Variants in ANKFN1 observed in about 807,000 individuals in gnomAD.
The protein encoded by ANKFN1 is ankyrin repeat and fibronectin type III domain containing 1.
In ANKFN1, 74 loss-of-function variants were observed where a neutral mutation model predicts 108.7. That is an observed-to-expected ratio of 0.68 (90% confidence interval 0.56 to 0.83). The LOEUF (loss-of-function observed/expected upper bound fraction) is 0.83, where lower values mean the gene tolerates loss of function less well. ANKFN1 is among the 40% of genes least tolerant of loss of function. ANKFN1 has a pLI of 0.00. For missense variants in ANKFN1, 1,505 were observed against 1,382.3 expected, an observed-to-expected ratio of 1.09 and a Z score of -1.41; for synonymous variants, 547 against 516.2, an observed-to-expected ratio of 1.06 and a Z score of -0.81.
At chr17:56,129,731 T>C (rs753977786) in intron 4 of ANKFN1, among the ~76,000 whole-genome samples, 1 of 152,202 alleles carries the variant, frequency 6.6e-6, no homozygotes, top group Non-Finnish European at 1.5e-5. Context: ...AATAGCATCA[T>C]AGTATGGAGC....
At chr17:56,384,441 A>G (rs1893504892) in intron 8 of ANKFN1, among the ~76,000 whole-genome samples, 1 of 151,986 alleles carries the variant, frequency 6.6e-6, no homozygotes, top group African/African-American at 2.4e-5. Flanking sequence ...CCCTCTCACC[A>G]CTCCTATTCA....
At chr17:56,148,395 C>A (rs905479297) in intron 4 of ANKFN1, among the ~76,000 whole-genome samples, 1 of 152,196 alleles carries the variant, frequency 6.6e-6, no homozygotes, top group Admixed American at 6.5e-5. Context: ...ACCCTGCTTG[C>A]AGTCCCACAG....
rs1760788548 is a variant in ANKFN1, at chr17:56,512,089, A to G, written c.*820A>G. On this transcript the variant is annotated 3_prime_UTR_variant, in exon 21 of 21. Coordinates refer to ENST00000682825, the MANE Select transcript of ANKFN1 (RefSeq NM_001370326.1). ...GCTAAGCAAAGTGAAAGCCTGAATT[A>G]CAGATAAGACAGGGGAGGGAGAGAG... is the stretch of plus-strand genomic sequence containing the variant. 1.3e-5 allele frequency among the ~76,000 whole-genome samples: 2 copies of G among 152,168 alleles called. No individual in the cohort carries two copies. Among genetic ancestry groups the G allele is most frequent in the South Asian group, 4.1e-4 (2 of 4,834 alleles).
intron 1 of ANKFN1, among the ~76,000 whole-genome samples, chr17:56,176,069 G>A (rs894147594): frequency 1.4e-4 from 22 of 152,062 alleles, no homozygotes; most frequent in Admixed American, 4.6e-4. Context: ...GGGGTACTGG[G>A]AGGGGAGGAT....
chr17:56,075,148 C>T (rs1384874871), intron 4 of ANKFN1, among the ~76,000 whole-genome samples: 19 of 152,148 alleles, frequency 1.2e-4, no homozygotes. Flanking sequence ...TCCAAATTAT[C>T]AGGAAAATAA....
At chr17:56,419,501 A>G (rs1279312640) in intron 8 of ANKFN1, among the ~76,000 whole-genome samples, 1 of 148,538 alleles carries the variant, frequency 6.7e-6, no homozygotes, top group African/African-American at 2.5e-5. Flanking sequence ...AAAAAAAGAG[A>G]TATAAATTTG....
intron 15 of ANKFN1, among the ~76,000 whole-genome samples, chr17:56,467,795 AAAGAAAG>A (rs1568026364): frequency 5.6e-5 from 1 of 17,704 alleles, no homozygotes; most frequent in African/African-American, 2.7e-4. Context: ...AAGAAAGAAG[AAAGAAAG>A]AAAGAAAGAA....
intron 1 of ANKFN1, among the ~76,000 whole-genome samples, chr17:56,179,169 C>T (rs1172359501): frequency 6.6e-6 from 1 of 152,152 alleles, no homozygotes. Flanking sequence ...GGCTCTAAAG[C>T]ATATTTGAAC....
At chr17:56,280,813 G>A (rs2044060706) in intron 3 of ANKFN1, among the ~76,000 whole-genome samples, 1 of 152,118 alleles carries the variant, frequency 6.6e-6, no homozygotes, top group Non-Finnish European at 1.5e-5. Context: ...AGGCTAACAT[G>A]GTTTGGCTAT....
intron 1 of ANKFN1, among the ~76,000 whole-genome samples, chr17:56,167,758 A>C (rs1910286683): frequency 5.3e-5 from 8 of 152,156 alleles, no homozygotes; most frequent in Admixed American, 5.2e-4. Flanking sequence ...TCACCACCTT[A>C]CAACTATGTC....
At chr17:56,488,860 C>T (rs2145406270) in intron 18 of ANKFN1, among the ~76,000 whole-genome samples, 1 of 152,238 alleles carries the variant, frequency 6.6e-6, no homozygotes, top group East Asian at 1.9e-4. Flanking sequence ...ATATTCTAAT[C>T]ACTACCACTA....
intron 18 of ANKFN1, among the ~76,000 whole-genome samples, chr17:56,483,372 G>T (rs1457612657): frequency 6.6e-6 from 1 of 152,186 alleles, no homozygotes; most frequent in Non-Finnish European, 1.5e-5. Flanking sequence ...AATGGAGGCA[G>T]ACCCTCTCTG....
chr17:56,425,605 T>G (rs145437194), intron 8 of ANKFN1, among the ~76,000 whole-genome samples: 252 of 152,334 alleles, frequency 1.7e-3, no homozygotes, highest in Middle Eastern at 6.8e-3. Context: ...TTCCTTGTAA[T>G]TGCCTTGCAA....
rs761621139 is a variant in ANKFN1 at position 56,510,468 on chromosome 17, C to G, written c.2645-5C>G. 2.6e-6 allele frequency: 4 copies of G among 1,533,318 alleles called. No individual in the cohort carries two copies. The highest frequency in any genetic ancestry group is 3.5e-6 in the Non-Finnish European group (4 of 1,146,070). The allele number at this position is 1,533,318 out of a possible 1,614,324, so 95.0% of individuals were successfully genotyped here. On this transcript the variant is annotated splice_region_variant and splice_polypyrimidine_tract_variant and intron_variant, in intron 20 of 20. Coordinates refer to ENST00000682825, the MANE Select transcript of ANKFN1 (RefSeq NM_001370326.1). ...TTTTCCTAACCTCAGTTTCTGGCTTCGCAGATTCACAGCCCTGCTCTGATG... is the reference window on the plus strand; with the variant it reads ...TTTTCCTAACCTCAGTTTCTGGCTTGGCAGATTCACAGCCCTGCTCTGATG...
chr17:56,061,906 T>C (rs1042109492), intron 4 of ANKFN1, among the ~76,000 whole-genome samples: 1 of 152,248 alleles, frequency 6.6e-6, no homozygotes, highest in Non-Finnish European at 1.5e-5. Flanking sequence ...GCTTTAGCTA[T>C]GTCCCAGAGG....
At chr17:56,082,649 G>GCATT (rs1207567953) in intron 4 of ANKFN1, among the ~76,000 whole-genome samples, 2 of 152,134 alleles carry the variant, frequency 1.3e-5, no homozygotes, top group Non-Finnish European at 2.9e-5. Flanking sequence ...CATTCTCTGT[G>GCATT]CATTCATTCA....
At chr17:56,484,696 A>C (rs1489119995) in intron 18 of ANKFN1, among the ~76,000 whole-genome samples, 3 of 152,242 alleles carry the variant, frequency 2.0e-5, no homozygotes, top group Non-Finnish European at 4.4e-5. Flanking sequence ...ATAACAGCTG[A>C]AGCCATGAAA....
intron 3 of ANKFN1, among the ~76,000 whole-genome samples, chr17:56,274,490 A>G (rs1245235800): frequency 6.6e-6 from 1 of 152,100 alleles, no homozygotes. Context: ...TAATAATAAT[A>G]ATAATTCTAC....
chr17:56,374,657 A>T lies in ANKFN1; in HGVS notation c.853A>T (p.Thr285Ser). The T allele has an allele frequency of 7.4e-6, 12 of 1,613,912 alleles. No homozygotes were observed. Among genetic ancestry groups the T allele is most frequent in the Non-Finnish European group, 9.3e-6 (11 of 1,179,854 alleles). Residue 285 changes from threonine to serine, a missense_variant, in exon 8 of 21, where the codon ACT becomes TCT. Transcript: ENST00000682825. Reference protein sequence around the residue: ...CLMVTSSTSLTVSFQEPLSVN... With the variant: ...CLMVTSSTSLSVSFQEPLSVN... The stretch of plus-strand genomic sequence containing the variant: ...CATGGTAACCAGCAGCACATCACTC[A>T]CTGTCAGCTTCCAAGAGCCTCTTAG...
Sources: gnomAD v4.1 joint callset for allele counts (sites outside exome capture counted in the v4.1 genomes callset) on GRCh38, gnomAD v4.1.1 for gene constraint, MANE v1.5 for transcripts, NCBI Gene and HGNC (gene_info 2026-07-23, HGNC 2026-07-21) for gene names.